Variants in CRYBG1 observed in about 807,000 individuals in gnomAD.
The protein encoded by CRYBG1 is crystallin beta-gamma domain containing 1.
A neutral mutation model predicts 189.2 loss-of-function variants in CRYBG1; 139 were observed. The observed-to-expected ratio is 0.73, with a 90% CI of 0.64 to 0.85. CRYBG1 has a LOEUF of 0.85. Among genes scored for constraint, CRYBG1 ranks in the 40% least tolerant of loss-of-function variants. The pLI, the probability that CRYBG1 is intolerant of heterozygous loss-of-function variation, is 0.00. For synonymous variants in CRYBG1, 1,023 were observed against 1,017.1 expected (o/e 1.01, Z -0.11); for missense variants, 2,611 against 2,675.8 (o/e 0.98, Z 0.53).
chr6:106,531,898 G>A (rs779962663), intron 8 of CRYBG1, among the ~76,000 whole-genome samples: 7 of 152,256 alleles, frequency 4.6e-5, no homozygotes, highest in African/African-American at 9.6e-5. Flanking sequence ...GTGATGGTTC[G>A]TCAATATACA....
chr6:106,515,399 T>G (rs1773394970), intron 3 of CRYBG1, among the ~76,000 whole-genome samples: 1 of 152,260 alleles, frequency 6.6e-6, no homozygotes, highest in Admixed American at 6.5e-5. Context: ...AAATCTTTAA[T>G]GTGCAGATAC....
At chr6:106,389,686 T>C (rs1770461420) in intron 1 of CRYBG1, among the ~76,000 whole-genome samples, 1 of 152,126 alleles carries the variant, frequency 6.6e-6, no homozygotes, top group Non-Finnish European at 1.5e-5. Context: ...AACTTATATA[T>C]GTTAGCTGGG....
At chr6:106,410,917 G>A (rs182975495) in intron 1 of CRYBG1, among the ~76,000 whole-genome samples, 1 of 152,258 alleles carries the variant, frequency 6.6e-6, no homozygotes, top group East Asian at 1.9e-4. Context: ...TAGATGACGG[G>A]TTGATGGGTG....
intron 13 of CRYBG1, 71 bp from the exon 14 acceptor site, chr6:106,551,781 A>G (rs1199128219): frequency 6.7e-7 from 1 of 1,483,400 alleles, no homozygotes; most frequent in Non-Finnish European, 9.3e-7. Context: ...TATGATACAT[A>G]GATATCCAAA....
At chr6:106,542,281 G>GC in intron 10 of CRYBG1, among the ~76,000 whole-genome samples, 1 of 64,386 alleles carries the variant, frequency 1.6e-5, no homozygotes, top group East Asian at 4.6e-4. Flanking sequence ...CCATTATTTA[G>GC]GGTTTTTTTT....
rs114582038 is a variant in CRYBG1, at chr6:106,388,802, C to T, written c.173+27721C>T. 9.1e-3 allele frequency among the ~76,000 whole-genome samples: 1,386 copies of T among 152,256 alleles called. 14 individuals are homozygous for T. Among genetic ancestry groups the T allele is most frequent in the African/African-American group, 0.031 (1,290 of 41,560 alleles). ...ATATAAGAAACAATATTTTGGTTAT[C>T]GCCATCTTGTAAAATCACTAGGTTT... is the stretch of plus-strand genomic sequence containing the variant. On this transcript the variant is annotated intron_variant, in intron 1 of 21. Transcript: ENST00000633556.
chr6:106,473,609 G>C (rs1172022364), intron 2 of CRYBG1, among the ~76,000 whole-genome samples: 2 of 152,148 alleles, frequency 1.3e-5, no homozygotes, highest in African/African-American at 2.4e-5. Context: ...ACACTATAGA[G>C]AGAATGCCAC....
chr6:106,557,767 T>C (rs1187797693), intron 17 of CRYBG1, among the ~76,000 whole-genome samples: 1 of 152,236 alleles, frequency 6.6e-6, no homozygotes, highest in East Asian at 1.9e-4. Flanking sequence ...TTTATGATCT[T>C]AGCAGTACTA....
At chr6:106,495,838 C>CAA (rs1321804297) in intron 2 of CRYBG1, among the ~76,000 whole-genome samples, 1 of 138,004 alleles carries the variant, frequency 7.2e-6, no homozygotes, top group African/African-American at 2.6e-5. Flanking sequence ...AAAAAAAAAA[C>CAA]AACTTTCCCC....
At chr6:106,561,524 G>T in intron 20 of CRYBG1, 24 bp downstream of exon 20, 9 of 1,597,222 alleles carry the variant, frequency 5.6e-6, no homozygotes, top group Non-Finnish European at 7.7e-6. Flanking sequence ...TTCCACGGGG[G>T]CCTGTGATGG....
chr6:106,493,570 C>T (rs549369249), intron 2 of CRYBG1, among the ~76,000 whole-genome samples: 16 of 152,190 alleles, frequency 1.1e-4, no homozygotes, highest in Admixed American at 7.9e-4. Context: ...TCACAATAGT[C>T]AAGAGAAGGA....
chr6:106,557,676 G>A (rs551995293), intron 17 of CRYBG1, among the ~76,000 whole-genome samples: 69 of 151,858 alleles, frequency 4.5e-4, no homozygotes, highest in African/African-American at 1.2e-3. Context: ...CAAGTGATCC[G>A]TCCACCTCGG....
chr6:106,476,101 C>T (rs1772328637), intron 2 of CRYBG1, among the ~76,000 whole-genome samples: 1 of 152,186 alleles, frequency 6.6e-6, no homozygotes, highest in South Asian at 2.1e-4. Flanking sequence ...GAAAGATAAG[C>T]CCCACCTAAC....
rs761018814 is a variant in CRYBG1, at chr6:106,521,415, A to G, written c.4207A>G (p.Ser1403Gly). ...TTTCAAATCAAGCCGGTATGACCCA[A>G]GCATTTCTTTTTCTGGAATGTCATT... Reference protein sequence around the residue: ...GLFKSSRYDPSISFSGMSLSD... With the variant: ...GLFKSSRYDPGISFSGMSLSD... Residue 1403 changes from serine to glycine, a missense_variant, in exon 4 of 22, where the codon AGC (serine) becomes GGC (glycine). Physicochemically the swap from Ser to Gly is moderately conservative, Grantham distance 56. Transcript: ENST00000633556. 1 of 1,590,860 alleles carries G rather than the reference A, an allele frequency of 6.3e-7. No individual in the cohort carries two copies. The highest frequency in any genetic ancestry group is 8.5e-7 in the Non-Finnish European group (1 of 1,172,006).
intron 21 of CRYBG1, among the ~76,000 whole-genome samples, chr6:106,565,193 C>T (rs944010983): frequency 3.9e-5 from 6 of 151,956 alleles, no homozygotes; most frequent in Non-Finnish European, 8.8e-5. Context: ...TGGTGGTGGG[C>T]GCCTGTAGTC....
At chr6:106,396,465 T>C (rs1024564253) in intron 1 of CRYBG1, among the ~76,000 whole-genome samples, 1 of 152,190 alleles carries the variant, frequency 6.6e-6, no homozygotes, top group Admixed American at 6.5e-5. Context: ...CTGGAATATG[T>C]AATTTCATTT....
In CRYBG1 at chr6:106,512,449, C is replaced by A; in HGVS notation, c.1332C>A (p.Asp444Glu). Residue 444 changes from aspartate (D) to glutamate (E), a missense_variant, in exon 3 of 22, where the codon GAC becomes GAA. Transcript: ENST00000633556. ...AGCTCCCTGAGAGCGCTGCCAGGGACGACGCGGTGTTCGACGACGAGGTGG... is the reference window on the plus strand; with the variant it reads ...AGCTCCCTGAGAGCGCTGCCAGGGAAGACGCGGTGTTCGACGACGAGGTGG... ...DAELPESAARDDAVFDDEVAP... is the reference protein window; with the variant it reads ...DAELPESAAREDAVFDDEVAP... The A allele has an allele frequency of 6.2e-7, 1 of 1,610,626 alleles. No homozygotes were observed.
At chr6:106,514,469 G>C (rs1773373829) in intron 3 of CRYBG1, among the ~76,000 whole-genome samples, 2 of 152,140 alleles carry the variant, frequency 1.3e-5, no homozygotes, top group South Asian at 4.1e-4. Flanking sequence ...TGAATAACTT[G>C]ACTACCTCAC....
intron 1 of CRYBG1, among the ~76,000 whole-genome samples, chr6:106,418,097 G>A (rs931599181): frequency 6.6e-6 from 1 of 152,214 alleles, no homozygotes; most frequent in African/African-American, 2.4e-5. Flanking sequence ...ATAAAACAGT[G>A]AGCAAAGCAG....
Sources: gnomAD v4.1 joint callset for allele counts (sites outside exome capture counted in the v4.1 genomes callset) on GRCh38, gnomAD v4.1.1 for gene constraint, MANE v1.5 for transcripts, NCBI Gene and HGNC (gene_info 2026-07-23, HGNC 2026-07-21) for gene names.